SLC26A7: variants seen among roughly 807,000 people sequenced by gnomAD.
SLC26A7 encodes the protein solute carrier family 26 member 7.
In SLC26A7, 59 loss-of-function variants were observed where a neutral mutation model predicts 82.5. The observed-to-expected ratio is 0.72, with a 90% CI of 0.58 to 0.89. The LOEUF (loss-of-function observed/expected upper bound fraction) is 0.89. Ranked by LOEUF, SLC26A7 falls within the 40% of genes least tolerant of loss-of-function variation. The pLI, the probability that SLC26A7 is intolerant of heterozygous loss-of-function variation, is 0.00. For missense variants in SLC26A7, 820 were observed against 793.0 expected (o/e 1.03, Z -0.41); for synonymous variants, 271 against 274.3 (o/e 0.99, Z 0.12).
intron 4 of SLC26A7, among the ~76,000 whole-genome samples, chr8:91,307,818 A>AAT (rs545999884): frequency 6.7e-6 from 1 of 150,170 alleles, no homozygotes; most frequent in African/African-American, 2.5e-5. Flanking sequence ...TAAATAAATA[A>AAT]AAAAAATAAA....
chr8:91,218,791 A>G (rs879276714), intron 1 of SLC26A7: 1 of 693,734 alleles, frequency 1.4e-6, no homozygotes, highest in Admixed American at 3.0e-5. Flanking sequence ...CGTCTTTAGA[A>G]GTCAATGTTC....
intron 2 of SLC26A7, among the ~76,000 whole-genome samples, chr8:91,285,256 T>C (rs1485191642): frequency 6.6e-6 from 1 of 152,258 alleles, no homozygotes; most frequent in Non-Finnish European, 1.5e-5. Flanking sequence ...TCACATGCCT[T>C]CATCGTCATG....
At chr8:91,211,071 C>G (rs1809905967) in intron 1 of SLC26A7, among the ~76,000 whole-genome samples, 1 of 151,654 alleles carries the variant, frequency 6.6e-6, no homozygotes, top group South Asian at 2.1e-4. Context: ...TAATAGATGC[C>G]AGAAAAAACA....
intron 15 of SLC26A7, among the ~76,000 whole-genome samples, chr8:91,375,310 T>G (rs1467357011): frequency 6.6e-6 from 1 of 152,146 alleles, no homozygotes; most frequent in Non-Finnish European, 1.5e-5. Flanking sequence ...TAGTCTCAAA[T>G]GTGTAATTGC....
At chr8:91,254,569 T>C (rs1271911169) in intron 2 of SLC26A7, among the ~76,000 whole-genome samples, 4 of 152,146 alleles carry the variant, frequency 2.6e-5, no homozygotes, top group Admixed American at 2.6e-4. Context: ...TGTCTGTTAC[T>C]GATTTTTACA....
At chr8:91,360,838 C>A (rs1025862589) in intron 11 of SLC26A7, among the ~76,000 whole-genome samples, 1 of 152,072 alleles carries the variant, frequency 6.6e-6, no homozygotes, top group Non-Finnish European at 1.5e-5. Context: ...GAGTGAGACT[C>A]AGAGTCATCA....
chr8:91,363,218 ATTC>A (rs1164906326), intron 12 of SLC26A7, among the ~76,000 whole-genome samples: 1 of 152,002 alleles, frequency 6.6e-6, no homozygotes, highest in African/African-American at 2.4e-5. Flanking sequence ...CTCTTTTAAA[ATTC>A]TTCTTTACTA....
At chr8:91,213,161 G>A (rs966630575) in intron 1 of SLC26A7, among the ~76,000 whole-genome samples, 1 of 152,162 alleles carries the variant, frequency 6.6e-6, no homozygotes, top group Non-Finnish European at 1.5e-5. Context: ...TGCTGTGGGA[G>A]AGCAGGACCA....
At chr8:91,377,480 G>A (rs1041045180) in intron 15 of SLC26A7, among the ~76,000 whole-genome samples, 1 of 152,122 alleles carries the variant, frequency 6.6e-6, no homozygotes, top group Non-Finnish European at 1.5e-5. Flanking sequence ...AGATGTTTGC[G>A]GGCAGTCTGG....
At chr8:91,268,948 A>G (rs1023310526) in intron 2 of SLC26A7, among the ~76,000 whole-genome samples, 20 of 151,882 alleles carry the variant, frequency 1.3e-4, no homozygotes, top group African/African-American at 4.1e-4. Flanking sequence ...CAAAACAAAA[A>G]AAAAACTAAC....
intron 3 of SLC26A7, among the ~76,000 whole-genome samples, chr8:91,289,522 G>A (rs1260640095): frequency 6.6e-6 from 1 of 152,224 alleles, no homozygotes; most frequent in African/African-American, 2.4e-5. Context: ...GTACACGCCT[G>A]TAGTCCCAGC....
intron 2 of SLC26A7, among the ~76,000 whole-genome samples, chr8:91,240,862 T>C (rs1563639833): frequency 6.6e-6 from 1 of 152,142 alleles, no homozygotes. Context: ...TCAGTAAGTG[T>C]TGTGGAAGTC....
At chr8:91,353,391 G>A (rs539915662) in intron 11 of SLC26A7, among the ~76,000 whole-genome samples, 4 of 152,224 alleles carry the variant, frequency 2.6e-5, no homozygotes, top group South Asian at 2.1e-4. Flanking sequence ...TGCACGCTGC[G>A]CGCATATAGG....
rs1036273110 is a variant in SLC26A7, at chr8:91,395,968, T to C, written c.*871T>C. 25 of 152,206 alleles carry C rather than the reference T, an allele frequency of 1.6e-4. No individual in the cohort carries two copies. The highest frequency in any genetic ancestry group is 6.0e-4 in the African/African-American group (25 of 41,574). 9.4% of individuals were successfully genotyped at this position (152,206 alleles called of 1,614,324 possible). A position where few individuals can be genotyped will look rare whatever the true frequency, so the allele number is the denominator to read the frequency against. ...TGCTATTCCAGTATAAGATGAACTG[T>C]AATAATTTTTGACTTCCCTATTTCA... On this transcript the variant is annotated 3_prime_UTR_variant, in exon 19 of 19. Transcript: ENST00000276609.
chr8:91,271,473 AT>A (rs1811265388), intron 2 of SLC26A7, among the ~76,000 whole-genome samples: 1 of 151,594 alleles, frequency 6.6e-6, no homozygotes, highest in Non-Finnish European at 1.5e-5. Context: ...GGAGACCACC[AT>A]TTTCTTATAT....
At position 91,343,451 on chromosome 8, in the gene SLC26A7, A is replaced by C. The variant is rs1813474203; in HGVS notation, c.1125A>C (p.Thr375=). The part of the protein sequence containing the change: ...AMGRTAGLYS[T]GAKTQVACLI... ...GAAGGACGGCTGGCCTGTACAGCAC[A>C]GGAGCGAAGACACAGGTAACTGAAT... Residue 375 remains threonine, a synonymous_variant, in exon 9 of 19, where the codon ACA becomes ACC. Coordinates refer to ENST00000276609, the MANE Select transcript of SLC26A7 (RefSeq NM_052832.4). The C allele has an allele frequency of 6.2e-7, 1 of 1,611,448 alleles. No homozygotes were observed. Among genetic ancestry groups the C allele is most frequent in the African/African-American group, 1.3e-5 (1 of 74,926 alleles).
intron 16 of SLC26A7, among the ~76,000 whole-genome samples, chr8:91,393,543 T>C (rs1348753986): frequency 6.6e-6 from 1 of 152,142 alleles, no homozygotes; most frequent in African/African-American, 2.4e-5. Flanking sequence ...GCACTGTTTT[T>C]ACTTTTATTA....
chr8:91,357,524 T>G (rs1401555201), intron 11 of SLC26A7, among the ~76,000 whole-genome samples: 5 of 152,154 alleles, frequency 3.3e-5, no homozygotes, highest in African/African-American at 1.2e-4. Context: ...TTCTACTATT[T>G]AACAAATGGT....
At chr8:91,352,782 G>T in intron 10 of SLC26A7, 119 bp from the exon 11 acceptor site, 5 of 654,262 alleles carry the variant, frequency 7.6e-6, no homozygotes, top group Non-Finnish European at 1.3e-5. Context: ...TCTTCTAATC[G>T]GTGATTGCTT....
Sources: gnomAD v4.1 joint callset for allele counts (sites outside exome capture counted in the v4.1 genomes callset) on GRCh38, gnomAD v4.1.1 for gene constraint, MANE v1.5 for transcripts, NCBI Gene and HGNC (gene_info 2026-07-23, HGNC 2026-07-21) for gene names.